Variants in MEGF11 observed in about 807,000 individuals in gnomAD.
MEGF11 encodes multiple EGF like domains 11.
A neutral mutation model predicts 146.6 loss-of-function variants in MEGF11; 126 were observed. The ratio of observed to expected loss-of-function variants is 0.86; its 90% CI spans 0.74 to 1.00. The LOEUF (loss-of-function observed/expected upper bound fraction) is 1.00, where lower values mean the gene tolerates loss of function less well. Ranked by LOEUF, MEGF11 falls within the 50% of genes least tolerant of loss-of-function variation. The pLI is 0.00. For synonymous variants in MEGF11, 532 were observed against 583.4 expected (o/e 0.91, Z 1.27); for missense variants, 1,509 against 1,521.2 (o/e 0.99, Z 0.13).
chr15:66,209,675 T>C (rs574096838), intron 1 of MEGF11, among the ~76,000 whole-genome samples: 4 of 152,270 alleles, frequency 2.6e-5, no homozygotes, highest in Non-Finnish European at 5.9e-5. Context: ...TTACATACTA[T>C]AGGACTCCAT....
intron 10 of MEGF11, among the ~76,000 whole-genome samples, chr15:65,932,760 G>A (rs1022938256): frequency 6.6e-6 from 1 of 152,064 alleles, no homozygotes. Flanking sequence ...CTATGCCGGA[G>A]CAAGTGGTCA....
chr15:66,251,055 G>A (rs1971246), intron 1 of MEGF11, among the ~76,000 whole-genome samples: 57,192 of 152,062 alleles, frequency 0.38, 11,762 homozygotes, highest in African/African-American at 0.55. Context: ...CTGACTTGCC[G>A]GCCGATTGCT....
chr15:66,135,900 G>T (rs2088865192), intron 1 of MEGF11, among the ~76,000 whole-genome samples: 1 of 152,184 alleles, frequency 6.6e-6, no homozygotes, highest in Non-Finnish European at 1.5e-5. Flanking sequence ...GTTTCACTCT[G>T]CTGGTGCACA....
At chr15:66,165,803 C>A (rs535790383) in intron 1 of MEGF11, among the ~76,000 whole-genome samples, 24 of 152,300 alleles carry the variant, frequency 1.6e-4, no homozygotes, top group African/African-American at 5.3e-4. Flanking sequence ...GGTCTCCCTC[C>A]GTCCCCTGTC....
chr15:65,922,493 G>T (rs1268667717), intron 14 of MEGF11, 21 bp from the exon 15 acceptor site: 2 of 1,539,006 alleles, frequency 1.3e-6, no homozygotes, highest in African/African-American at 2.7e-5. Context: ...AGGGAAGATG[G>T]TGGTCAGCAG....
At chr15:66,047,286 G>A (rs906429805) in intron 5 of MEGF11, among the ~76,000 whole-genome samples, 11 of 152,208 alleles carry the variant, frequency 7.2e-5, no homozygotes, top group Non-Finnish European at 5.9e-5. Flanking sequence ...AAACAGAAGT[G>A]GGATTCAATC....
In MEGF11 at chr15:65,982,764, A is replaced by T. The variant is rs913479637; in HGVS notation, c.395-276T>A. Among the ~76,000 whole-genome samples the T allele has an allele frequency of 2.6e-5, 4 of 152,190 alleles. No individual in the cohort carries two copies. Among genetic ancestry groups the T allele is most frequent in the Non-Finnish European group, 5.9e-5 (4 of 68,032 alleles). On this transcript the variant is annotated intron_variant, in intron 5 of 25. Transcript: ENST00000395614. This position sits in a 1 kb window ranked among gnomAD's most constrained non-coding sequence, Gnocchi z 5.6. ...CTGGTCCGGCCATTCTCTTCCAACC[A>T]AATGGCTGCCCTAAGCCCCCCTCTC...
chr15:66,145,905 C>G (rs1330560479), intron 1 of MEGF11, among the ~76,000 whole-genome samples: 3 of 152,176 alleles, frequency 2.0e-5, no homozygotes, highest in Non-Finnish European at 4.4e-5. Flanking sequence ...GAGATAATTA[C>G]ACACGGTATC....
In MEGF11 at chr15:65,964,907, C is replaced by G. The variant is rs1254382736; in HGVS notation, c.1112+1G>C. The G allele has an allele frequency of 1.9e-6, 3 of 1,557,242 alleles. No individual in the cohort carries two copies. Among genetic ancestry groups the G allele is most frequent in the Non-Finnish European group, 1.7e-6 (2 of 1,148,970 alleles). On this transcript the variant is annotated splice_donor_variant, in intron 9 of 25. Transcript: ENST00000395614. LOFTEE classifies it high-confidence loss of function. ...CGGGCTCGCCCATTCCCAGCTCATA[C>G]CTGATGGTGTTGTCAGCGTCACAGG...
chr15:65,965,600 C>CTTTTTTTTTTTTTTTTTT (rs767520450), intron 8 of MEGF11, among the ~76,000 whole-genome samples: 2 of 18,880 alleles, frequency 1.1e-4, no homozygotes, highest in African/African-American at 2.2e-4. Context: ...TTCTTTCTTT[C>CTTTTTTTTTTTTTTTTTT]TTTTTTTTTT....
chr15:66,030,121 C>T (rs565131639), intron 5 of MEGF11, among the ~76,000 whole-genome samples: 2 of 152,326 alleles, frequency 1.3e-5, no homozygotes, highest in East Asian at 3.9e-4. Flanking sequence ...CAGGCTCAAA[C>T]ACCTGAGCAC....
intron 10 of MEGF11, among the ~76,000 whole-genome samples, chr15:65,940,382 C>G (rs1370073684): frequency 6.6e-6 from 1 of 152,226 alleles, no homozygotes; most frequent in East Asian, 1.9e-4. Context: ...CTCTCCTGCC[C>G]ACCCTTGTCA....
At position 66,045,830 on chromosome 15, in the gene MEGF11, C is replaced by T. The variant is rs138681180; in HGVS notation, c.394+48572G>A. On this transcript the variant is annotated intron_variant, in intron 5 of 25. Transcript: ENST00000395614. ...AAGATGACTGTATCCTGGCTAGGCA[C>T]GGTGGCTCACGACTGTAATCCCAGC... is the stretch of plus-strand genomic sequence containing the variant. Among the ~76,000 whole-genome samples the T allele has an allele frequency of 7.3e-3, 1,106 of 152,200 alleles. 13 individuals carry two copies. Among genetic ancestry groups the T allele is most frequent in the Non-Finnish European group, 9.7e-3 (663 of 68,004 alleles).
At chr15:65,931,070 T>G in intron 10 of MEGF11, 127 bp from the exon 11 acceptor site, 1 of 1,163,858 alleles carries the variant, frequency 8.6e-7, no homozygotes, top group Non-Finnish European at 1.1e-6. Context: ...TGTGAATATG[T>G]TACCTTACAT....
At chr15:66,133,784 AAAAAAAAG>A (rs1355357834) in intron 1 of MEGF11, among the ~76,000 whole-genome samples, 1 of 151,966 alleles carries the variant, frequency 6.6e-6, no homozygotes, top group African/African-American at 2.4e-5. Flanking sequence ...CCTGTACTTA[AAAAAAAAG>A]AAAAAAAGTT....
chr15:66,169,777 G>T (rs894564602), intron 1 of MEGF11, among the ~76,000 whole-genome samples: 1 of 152,158 alleles, frequency 6.6e-6, no homozygotes, highest in South Asian at 2.1e-4. Context: ...TGGGTGAGAC[G>T]GCCAGCGCTG....
At chr15:65,914,956 C>T (rs547287894) in intron 19 of MEGF11, among the ~76,000 whole-genome samples, 2 of 152,266 alleles carry the variant, frequency 1.3e-5, no homozygotes, top group African/African-American at 4.8e-5. Flanking sequence ...ACAACTGGAC[C>T]CTGGGACTCC....
intron 1 of MEGF11, among the ~76,000 whole-genome samples, chr15:66,138,410 C>T (rs962203120): frequency 9.8e-5 from 15 of 152,320 alleles, no homozygotes; most frequent in South Asian, 6.2e-4. Context: ...AATGATCTCA[C>T]GACACAGAAA....
intron 1 of MEGF11, among the ~76,000 whole-genome samples, chr15:66,141,766 T>C (rs1597118281): frequency 6.6e-6 from 1 of 152,252 alleles, no homozygotes; most frequent in South Asian, 2.1e-4. Context: ...ATGCCAGACC[T>C]CCTGAACCAT....
Sources: gnomAD v4.1 joint callset for allele counts (sites outside exome capture counted in the v4.1 genomes callset) on GRCh38, gnomAD v4.1.1 for gene constraint, Gnocchi (gnomAD v3.1) non-coding constraint, MANE v1.5 for transcripts, NCBI Gene and HGNC (gene_info 2026-07-23, HGNC 2026-07-21) for gene names.